Variants in GRIA4 observed in about 807,000 individuals in gnomAD.
GRIA4 encodes the protein glutamate ionotropic receptor AMPA type subunit 4.
GRIA4 carries 34 observed loss-of-function variants against 104.0 expected under a neutral mutation model. The observed-to-expected ratio is 0.33, with a 90% CI of 0.25 to 0.44. GRIA4 has a LOEUF of 0.44. Among genes scored for constraint, GRIA4 ranks in the 20% least tolerant of loss-of-function variants. GRIA4 has a pLI of 1.00. For synonymous variants in GRIA4, 386 were observed against 381.9 expected (o/e 1.01, Z -0.13); for missense variants, 750 against 1,096.5 (o/e 0.68, Z 4.46).
chr11:105,874,559 G>A (rs1035473089), intron 5 of GRIA4, among the ~76,000 whole-genome samples: 5 of 152,164 alleles, frequency 3.3e-5, no homozygotes, highest in African/African-American at 1.2e-4. Context: ...AGCATGGAAT[G>A]TTTTTCCATT....
At chr11:105,742,335 T>C (rs1239987311) in intron 3 of GRIA4, among the ~76,000 whole-genome samples, 1 of 152,116 alleles carries the variant, frequency 6.6e-6, no homozygotes, top group Non-Finnish European at 1.5e-5. Context: ...ATTTATGAAA[T>C]CTATGAAATG....
intron 3 of GRIA4, among the ~76,000 whole-genome samples, chr11:105,718,541 A>T (rs560303903): frequency 3.5e-4 from 54 of 152,324 alleles, no homozygotes; most frequent in African/African-American, 1.2e-3. Context: ...CTTAAAACCC[A>T]TATAAATTAC....
chr11:105,810,620 GGAAAA>G (rs1943132953), intron 4 of GRIA4, among the ~76,000 whole-genome samples: 1 of 152,106 alleles, frequency 6.6e-6, no homozygotes, highest in South Asian at 2.1e-4. Context: ...TGGGTTAGGG[GGAAAA>G]GAAAAGGAAA....
At chr11:105,846,844 G>A (rs776678443) in intron 4 of GRIA4, among the ~76,000 whole-genome samples, 1 of 152,194 alleles carries the variant, frequency 6.6e-6, no homozygotes, top group Admixed American at 6.5e-5. Context: ...CACAGAGACT[G>A]TCTAAATACT....
intron 3 of GRIA4, among the ~76,000 whole-genome samples, chr11:105,681,703 T>C (rs1032549635): frequency 1.3e-5 from 2 of 152,150 alleles, no homozygotes; most frequent in Admixed American, 6.6e-5. Context: ...ATTGATTACA[T>C]ATGGAATTGA....
intron 1 of GRIA4, 86 bp from the exon 2 acceptor site, chr11:105,610,822 T>C: frequency 1.7e-6 from 1 of 585,798 alleles, no homozygotes; most frequent in Non-Finnish European, 3.0e-6. Context: ...GTCATAATCT[T>C]AAACCACCGA....
At chr11:105,904,995 G>T (rs1463242037) in intron 8 of GRIA4, among the ~76,000 whole-genome samples, 3 of 152,152 alleles carry the variant, frequency 2.0e-5, no homozygotes, top group African/African-American at 7.2e-5. Context: ...TCTTCCAGGG[G>T]TATAGCAAAA....
rs529597414 is a variant in GRIA4 at position 105,645,073 on chromosome 11, A to G, written c.247+32639A>G. 3.9e-5 allele frequency among the ~76,000 whole-genome samples: 6 copies of G among 152,292 alleles called. No individual in the cohort carries two copies. The South Asian group carries it at 1.2e-3, about 32-fold the overall frequency. Reference sequence around the variant, plus strand: ...AGGTGCCACAGGGCTGAAGAGGCGCAATACGACCATTCTATTTTGGTTTGC... The same window carrying G: ...AGGTGCCACAGGGCTGAAGAGGCGCGATACGACCATTCTATTTTGGTTTGC... On this transcript the variant is annotated intron_variant, in intron 3 of 16. Coordinates refer to ENST00000282499, the MANE Select transcript of GRIA4 (RefSeq NM_000829.4).
chr11:105,676,967 T>C lies in GRIA4; in HGVS notation c.247+64533T>C, dbSNP rs532769343. ...TAGAGGATTTGTGCAATAGACTGCA[T>C]AAGTCACATGTTTTTAAAAAGAAAA... On this transcript the variant is annotated intron_variant, in intron 3 of 16. Coordinates refer to ENST00000282499, the MANE Select transcript of GRIA4 (RefSeq NM_000829.4). Among the ~76,000 whole-genome samples the C allele has an allele frequency of 8.6e-5, 13 of 151,982 alleles. No individual in the cohort carries two copies. The South Asian group carries it at 2.7e-3, about 31-fold the overall frequency.
chr11:105,620,797 T>G (rs2135271596), intron 3 of GRIA4, among the ~76,000 whole-genome samples: 1 of 152,000 alleles, frequency 6.6e-6, no homozygotes, highest in South Asian at 2.1e-4. Context: ...GTCTACATAT[T>G]TTTATAGAAA....
chr11:105,616,576 A>G (rs1377542236), intron 3 of GRIA4, among the ~76,000 whole-genome samples: 1 of 151,660 alleles, frequency 6.6e-6, no homozygotes, highest in African/African-American at 2.4e-5. Flanking sequence ...GTTTAATTCA[A>G]CTATGTTTAA....
Position 105,926,764 on chromosome 11 carries a change from G to C in GRIA4, c.1871G>C (p.Gly624Ala). ...AGATCCCTCTCAGGTCGAATTGTTGGAGGTGTTTGGTGGTTCTTTACACTC... is the reference window on the plus strand; with the variant it reads ...AGATCCCTCTCAGGTCGAATTGTTGCAGGTGTTTGGTGGTTCTTTACACTC... ...SPRSLSGRIV[G>A]GVWWFFTLII... is the part of the protein sequence containing the mutation. The change falls in exon 13 of 17, where the codon GGA (glycine) becomes GCA (alanine). Residue 624 changes from glycine (G) to alanine (A), a missense_variant. By Grantham distance (60) the Gly-to-Ala change is moderately conservative (BLOSUM62 0). Around this residue, in one of 3 missense-constraint regions of GRIA4, gnomAD observed 272 missense variants for 524.5 expected, o/e 0.52. Coordinates refer to ENST00000282499, the MANE Select transcript of GRIA4 (RefSeq NM_000829.4). 1 of 1,607,140 alleles carries C rather than the reference G, an allele frequency of 6.2e-7. No homozygotes were observed. Among genetic ancestry groups the C allele is most frequent in the Non-Finnish European group, 8.5e-7 (1 of 1,174,036 alleles).
chr11:105,820,190 C>A (rs1943527691), intron 4 of GRIA4, among the ~76,000 whole-genome samples: 1 of 152,140 alleles, frequency 6.6e-6, no homozygotes, highest in South Asian at 2.1e-4. Flanking sequence ...ACTACCCAAT[C>A]TGTGGCACTT....
intron 3 of GRIA4, among the ~76,000 whole-genome samples, chr11:105,713,455 A>C (rs1953985528): frequency 6.6e-6 from 1 of 152,176 alleles, no homozygotes; most frequent in African/African-American, 2.4e-5. Context: ...GGAAATTTAT[A>C]AAATGAAATT....
intron 4 of GRIA4, among the ~76,000 whole-genome samples, chr11:105,772,157 T>C (rs755611911): frequency 6.6e-6 from 1 of 152,120 alleles, no homozygotes; most frequent in Non-Finnish European, 1.5e-5. Flanking sequence ...ACAGCACAAC[T>C]CTCCACTAAA....
At chr11:105,634,245 G>A (rs1477511367) in intron 3 of GRIA4, among the ~76,000 whole-genome samples, 4 of 151,674 alleles carry the variant, frequency 2.6e-5, no homozygotes, top group African/African-American at 9.7e-5. Context: ...TACTGGGGAG[G>A]CTGAGGCAGG....
intron 5 of GRIA4, among the ~76,000 whole-genome samples, chr11:105,864,020 C>T (rs1025802494): frequency 3.3e-5 from 5 of 152,030 alleles, no homozygotes; most frequent in African/African-American, 1.2e-4. Flanking sequence ...TTCTTCTTGC[C>T]AAATTCTAAA....
At chr11:105,723,070 G>C (rs961257182) in intron 3 of GRIA4, among the ~76,000 whole-genome samples, 1 of 152,046 alleles carries the variant, frequency 6.6e-6, no homozygotes, top group Non-Finnish European at 1.5e-5. Context: ...GGGACTTGCC[G>C]ATGGGTAAAG....
intron 3 of GRIA4, among the ~76,000 whole-genome samples, chr11:105,655,357 A>C (rs966739119): frequency 6.6e-6 from 1 of 152,018 alleles, no homozygotes; most frequent in African/African-American, 2.4e-5. Context: ...TTTAAATTAT[A>C]CTTTAAGTAA....
Sources: allele counts gnomAD v4.1 joint callset (sites outside exome capture counted in the v4.1 genomes callset), GRCh38; gene constraint gnomAD v4.1.1; regional missense constraint gnomAD v4.1.1; transcripts MANE v1.5; gene names NCBI Gene and HGNC (gene_info 2026-07-23, HGNC 2026-07-21).